CHCHD6: variants seen among roughly 807,000 people sequenced by gnomAD.
The protein encoded by CHCHD6 is coiled-coil-helix-coiled-coil-helix domain containing 6.
In CHCHD6, 28 loss-of-function variants were observed where a neutral mutation model predicts 32.3. The ratio of observed to expected loss-of-function variants is 0.87; its 90% confidence interval spans 0.64 to 1.19. The LOEUF (loss-of-function observed/expected upper bound fraction) is 1.19, where lower values mean the gene tolerates loss of function less well. Ranked by LOEUF, CHCHD6 falls within the 50% of genes most tolerant of loss-of-function variation. The pLI, the probability that CHCHD6 is intolerant of heterozygous loss-of-function variation, is 0.00. For missense variants in CHCHD6, 333 were observed against 307.0 expected, an observed-to-expected ratio of 1.08 and a Z score of -0.63; for synonymous variants, 122 against 117.5, an observed-to-expected ratio of 1.04 and a Z score of -0.25.
chr3:126,920,329 CT>C (rs913392545), intron 6 of CHCHD6, among the ~76,000 whole-genome samples: 4 of 149,016 alleles, frequency 2.7e-5, no homozygotes, highest in East Asian at 3.9e-4. Flanking sequence ...CTTCTGTTGC[CT>C]TTTTTTTTCT....
At chr3:126,789,522 T>C (rs2107685013) in intron 4 of CHCHD6, among the ~76,000 whole-genome samples, 1 of 152,352 alleles carries the variant, frequency 6.6e-6, no homozygotes, top group East Asian at 1.9e-4. Context: ...TGGGTGCAGA[T>C]ATATTTAGGA....
At chr3:126,756,987 G>A (rs953303814) in intron 4 of CHCHD6, among the ~76,000 whole-genome samples, 14 of 152,176 alleles carry the variant, frequency 9.2e-5, no homozygotes, top group Non-Finnish European at 1.8e-4. Context: ...TCAACTGGTG[G>A]TATTACAGAT....
intron 6 of CHCHD6, among the ~76,000 whole-genome samples, chr3:126,932,191 G>A (rs534155553): frequency 6.6e-6 from 1 of 152,276 alleles, no homozygotes; most frequent in South Asian, 2.1e-4. Flanking sequence ...AGCACCTCTC[G>A]GTAGCCCTGA....
intron 5 of CHCHD6, among the ~76,000 whole-genome samples, chr3:126,889,355 C>T (rs564873250): frequency 7.2e-5 from 11 of 152,296 alleles, no homozygotes; most frequent in African/African-American, 2.4e-4. Flanking sequence ...GCGTCCTGTG[C>T]TTCCATACCT....
rs73201768 is a variant in CHCHD6, at chr3:126,750,242, A to C, written c.411+17020A>C. 9.5e-3 allele frequency among the ~76,000 whole-genome samples: 1,451 copies of C among 152,354 alleles called. 10 individuals carry two copies. Among genetic ancestry groups the C allele is most frequent in the Middle Eastern group, 0.017 (5 of 294 alleles). On this transcript the variant is annotated intron_variant, in intron 4 of 7. Coordinates refer to ENST00000290913, the MANE Select transcript of CHCHD6 (RefSeq NM_032343.3). Reference sequence around the variant, plus strand: ...TGGGGGTTGCTTCTGGGGACCAAGCAGGGAATATCCCACAGAGTCGTCTTT... The same window carrying C: ...TGGGGGTTGCTTCTGGGGACCAAGCCGGGAATATCCCACAGAGTCGTCTTT...
chr3:126,753,791 G>C (rs575138599), intron 4 of CHCHD6, among the ~76,000 whole-genome samples: 28 of 152,322 alleles, frequency 1.8e-4, no homozygotes, highest in African/African-American at 6.3e-4. Flanking sequence ...GAGTCTGGGT[G>C]GCAGTGGGCA....
At chr3:126,747,313 G>C (rs769594101) in intron 4 of CHCHD6, among the ~76,000 whole-genome samples, 4 of 152,146 alleles carry the variant, frequency 2.6e-5, no homozygotes, top group Non-Finnish European at 4.4e-5. Flanking sequence ...TGTATTTGCA[G>C]CTCATTTCTA....
chr3:126,715,599 G>A (rs1934970632), intron 1 of CHCHD6, among the ~76,000 whole-genome samples: 1 of 152,070 alleles, frequency 6.6e-6, no homozygotes, highest in Non-Finnish European at 1.5e-5. Context: ...TGTGCAACCT[G>A]TTTGCCTGTG....
rs73205623 is a variant in CHCHD6 at position 126,877,573 on chromosome 3, G to A, written c.495+24843G>A. ...CCATCTCAAAAAAAAAAAAAATTAG[G>A]TCAACAAAGATGATGGAAAAATGAA... is the stretch of plus-strand genomic sequence containing the variant. On this transcript the variant is annotated intron_variant, in intron 5 of 7. Coordinates refer to ENST00000290913, the MANE Select transcript of CHCHD6 (RefSeq NM_032343.3). Among the ~76,000 whole-genome samples, 1,104 of 151,868 alleles carry A rather than the reference G, an allele frequency of 7.3e-3. 7 individuals are homozygous for A. Among genetic ancestry groups the A allele is most frequent in the Non-Finnish European group, 0.012 (808 of 67,942 alleles).
chr3:126,904,620 G>A (rs977294686), intron 5 of CHCHD6, among the ~76,000 whole-genome samples: 1 of 152,170 alleles, frequency 6.6e-6, no homozygotes, highest in Non-Finnish European at 1.5e-5. Flanking sequence ...CCCCAGTAGT[G>A]ACTGAAATGA....
intron 4 of CHCHD6, among the ~76,000 whole-genome samples, chr3:126,765,219 A>G (rs1005430067): frequency 2.0e-5 from 3 of 152,220 alleles, no homozygotes; most frequent in Non-Finnish European, 4.4e-5. Context: ...CATCTCCCCC[A>G]TAAGCACCAC....
intron 7 of CHCHD6, among the ~76,000 whole-genome samples, chr3:126,958,329 G>T (rs1297491012): frequency 1.3e-5 from 2 of 152,122 alleles, no homozygotes; most frequent in Non-Finnish European, 2.9e-5. Context: ...CACCTAGTTT[G>T]GGCTCCCCAA....
intron 4 of CHCHD6, among the ~76,000 whole-genome samples, chr3:126,739,727 T>G (rs532983675): frequency 7.2e-5 from 11 of 152,352 alleles, no homozygotes; most frequent in Non-Finnish European, 1.3e-4. Flanking sequence ...TTTGGCTTTT[T>G]TTTAATAGTT....
intron 4 of CHCHD6, among the ~76,000 whole-genome samples, chr3:126,800,085 C>CTGTAGA (rs1938993258): frequency 6.6e-6 from 1 of 152,014 alleles, no homozygotes; most frequent in Non-Finnish European, 1.5e-5. Context: ...TACATCTTTC[C>CTGTAGA]TTCTTTTGTC....
rs189542930 is a variant in CHCHD6, at chr3:126,792,651, G to A, written c.411+59429G>A. Among the ~76,000 whole-genome samples, 935 of 152,040 alleles carry A rather than the reference G, an allele frequency of 6.1e-3. 8 individuals are homozygous for A. The highest frequency in any genetic ancestry group is 0.021 in the African/African-American group (889 of 41,480). ...ACAATTTCAATTAATTTGCATTTTA[G>A]TGTTCATTTTATGAGCTAGGAGATG... is the stretch of plus-strand genomic sequence containing the variant. On this transcript the variant is annotated intron_variant, in intron 4 of 7. Coordinates refer to ENST00000290913, the MANE Select transcript of CHCHD6 (RefSeq NM_032343.3).
intron 4 of CHCHD6, among the ~76,000 whole-genome samples, chr3:126,745,220 T>TG (rs1936446725): frequency 6.6e-6 from 1 of 152,202 alleles, no homozygotes; most frequent in African/African-American, 2.4e-5. Context: ...GAAGAGGGAC[T>TG]GGATGCTGGT....
chr3:126,852,823 C>G, intron 5 of CHCHD6, 93 bp downstream of exon 5: 1 of 846,464 alleles, frequency 1.2e-6, no homozygotes. Context: ...GAGGAGTCCG[C>G]AGACCCAGTG....
chr3:126,863,780 C>T (rs1239696717), intron 5 of CHCHD6, among the ~76,000 whole-genome samples: 3 of 148,792 alleles, frequency 2.0e-5, no homozygotes, highest in African/African-American at 7.5e-5. Flanking sequence ...TCCTCCACCA[C>T]CATCAGCACC....
chr3:126,950,106 A>G (rs13097243), intron 6 of CHCHD6, among the ~76,000 whole-genome samples: 17 of 152,050 alleles, frequency 1.1e-4, no homozygotes, highest in Non-Finnish European at 2.2e-4. Context: ...TCCACACAAA[A>G]TTCTCATTCC....
Sources: allele counts gnomAD v4.1 joint callset (sites outside exome capture counted in the v4.1 genomes callset), GRCh38; gene constraint gnomAD v4.1.1; transcripts MANE v1.5; gene names NCBI Gene and HGNC (gene_info 2026-07-23, HGNC 2026-07-21).